The following AP3S2 variants were observed in gnomAD, a reference collection of about 807,000 sequenced individuals.
AP3S2 encodes the protein AP-3 complex subunit sigma-2.
In AP3S2, 22 loss-of-function variants were observed where a neutral mutation model predicts 23.4. That is an observed-to-expected ratio of 0.94 (90% CI 0.67 to 1.34). AP3S2 has a LOEUF of 1.34. Ranked by LOEUF, AP3S2 falls within the 40% of genes most tolerant of loss-of-function variation. The probability of loss-of-function intolerance (pLI) is 0.00; values close to 1 mark genes in which losing one functional copy is unlikely to be tolerated. For synonymous variants in AP3S2, 86 were observed against 87.1 expected (o/e 0.99, Z 0.07); for missense variants, 241 against 236.9 (o/e 1.02, Z -0.11).
intron 4 of AP3S2, among the ~76,000 whole-genome samples, chr15:89,847,732 GT>G (rs2141846434): frequency 6.6e-6 from 1 of 152,262 alleles, no homozygotes; most frequent in South Asian, 2.1e-4. Flanking sequence ...TTTTACTCTA[GT>G]AAAAACACAG....
chr15:89,835,473 T>C lies in AP3S2; in HGVS notation c.*42A>G, dbSNP rs1480027262. On this transcript the variant is annotated 3_prime_UTR_variant, in exon 6 of 6. Transcript: ENST00000336418. ...CCAGACGTGCTTGCCTTGCTTGTCT[T>C]TGCTTGTCTTAAGGACTCTATTTCA... 2 of 1,609,406 alleles carry C rather than the reference T, an allele frequency of 1.2e-6. No homozygotes were observed. The highest frequency in any genetic ancestry group is 1.7e-6 in the Non-Finnish European group (2 of 1,177,252).
chr15:89,845,611 G>A (rs12591948), intron 4 of AP3S2: 56,469 of 152,070 alleles, frequency 0.37, 12,330 homozygotes, highest in Non-Finnish European at 0.5. Flanking sequence ...GTTGGCTGAT[G>A]CGCTGACCTT....
At chr15:89,859,002 T>G (rs1388920360) in intron 4 of AP3S2, among the ~76,000 whole-genome samples, 1 of 151,876 alleles carries the variant, frequency 6.6e-6, no homozygotes, top group Non-Finnish European at 1.5e-5. Flanking sequence ...GAACAATCCT[T>G]GCTTTTGTTT....
At chr15:89,892,186 G>A (rs1247515488) in intron 1 of AP3S2, among the ~76,000 whole-genome samples, 2 of 152,162 alleles carry the variant, frequency 1.3e-5, no homozygotes, top group Non-Finnish European at 2.9e-5. Context: ...AATTCCATTT[G>A]CCATTCTGGA....
rs770651629 is a variant in AP3S2 at position 89,835,613 on chromosome 15, C to A, written c.484G>T (p.Val162Leu). Residue 162 changes from valine to leucine, a missense_variant, in exon 6 of 6, where the codon GTG becomes TTG. By Grantham distance (32) the Val-to-Leu change is conservative. Transcript: ENST00000336418. ...AGGTTGATGTTTTTCACAGCAGACA[C>A]AGCCCGCGCAGGGGCTGCTGAAAGG... ...GGLSAAPARA[V>L]SAVKNINLPE... is the part of the protein sequence containing the mutation. 1.2e-6 allele frequency: 2 copies of A among 1,610,340 alleles called. No homozygotes were observed. Among genetic ancestry groups the A allele is most frequent in the Admixed American group, 3.4e-5 (2 of 59,386 alleles).
Position 89,871,504 on chromosome 15 carries a change from C to T in AP3S2, c.316G>A (p.Glu106Lys). 3 of 1,613,704 alleles carry T rather than the reference C, an allele frequency of 1.9e-6. No homozygotes were observed. Among genetic ancestry groups the T allele is most frequent in the Non-Finnish European group, 2.5e-6 (3 of 1,179,908 alleles). ...TLDKCFENVCELDLIFHMDKV... is the reference protein window; with the variant it reads ...TLDKCFENVCKLDLIFHMDKV... ...TCCATATGGAAGATCAAATCCAATTCACACACATTTTCGAAACACTTATCC... is the reference window on the plus strand; with the variant it reads ...TCCATATGGAAGATCAAATCCAATTTACACACATTTTCGAAACACTTATCC... Residue 106 changes from glutamate (E) to lysine (K), a missense_variant, in exon 4 of 6, where the codon GAA (glutamate) becomes AAA (lysine). Transcript: ENST00000336418.
rs1895093944 is a variant in AP3S2 at position 89,832,264 on chromosome 15, G to C, written c.*3251C>G. On this transcript the variant is annotated 3_prime_UTR_variant, in exon 6 of 6. Coordinates refer to ENST00000336418, the MANE Select transcript of AP3S2 (RefSeq NM_005829.5). ...GTTAGAGACCAGCCTGTGCAACATA[G>C]TGAGACCTTATTCTACTAAAAAAAT... The C allele has an allele frequency of 6.6e-6, 1 of 152,256 alleles. No homozygotes were observed. Among genetic ancestry groups the C allele is most frequent in the Non-Finnish European group, 1.5e-5 (1 of 68,032 alleles). The allele number at this position is 152,256 out of a possible 1,614,324, so 9.4% of individuals were successfully genotyped here.
Position 89,834,330 on chromosome 15 carries a change from A to G in AP3S2, c.*1185T>C, listed in dbSNP as rs1031869695. ...TGCTCTCATGAGGAGAATGTATTTTAAACTTGGGAAGAGTCATAATTCTGG... is the reference window on the plus strand; with the variant it reads ...TGCTCTCATGAGGAGAATGTATTTTGAACTTGGGAAGAGTCATAATTCTGG... On this transcript the variant is annotated 3_prime_UTR_variant, in exon 6 of 6. Coordinates refer to ENST00000336418, the MANE Select transcript of AP3S2 (RefSeq NM_005829.5). The G allele has an allele frequency of 6.6e-6, 1 of 152,258 alleles. No homozygotes were observed. The highest frequency in any genetic ancestry group is 2.4e-5 in the African/African-American group (1 of 41,462). 9.4% of individuals were successfully genotyped at this position (152,258 alleles called of 1,614,324 possible).
intron 4 of AP3S2, among the ~76,000 whole-genome samples, chr15:89,854,485 T>C (rs1596197099): frequency 7.4e-5 from 3 of 40,542 alleles, no homozygotes; most frequent in Admixed American, 2.4e-4. Context: ...GAGGAGCCCC[T>C]CTGCCCGGCC....
chr15:89,847,580 G>T lies in AP3S2; in HGVS notation c.346-9858C>A, dbSNP rs116745754. On this transcript the variant is annotated intron_variant, in intron 4 of 5. Coordinates refer to ENST00000336418, the MANE Select transcript of AP3S2 (RefSeq NM_005829.5). ...GACAGAGGATTCCATGCTCTTCAAG[G>T]GTTCCATCCCTGGTTGTTTCTCACT... Among the ~76,000 whole-genome samples the T allele has an allele frequency of 4.3e-3, 651 of 152,058 alleles. 5 individuals are homozygous for T. The highest frequency in any genetic ancestry group is 0.015 in the African/African-American group (631 of 41,466).
intron 4 of AP3S2, among the ~76,000 whole-genome samples, chr15:89,840,275 T>C (rs1012234878): frequency 1.3e-5 from 2 of 152,210 alleles, no homozygotes; most frequent in Admixed American, 6.5e-5. Context: ...ATACCTGCAC[T>C]TTCAGTATTT....
At chr15:89,859,685 G>A (rs567789581) in intron 4 of AP3S2, among the ~76,000 whole-genome samples, 47 of 150,322 alleles carry the variant, frequency 3.1e-4, no homozygotes, top group African/African-American at 1.1e-3. Context: ...TCGAGCCACC[G>A]CGCCCAGCCC....
intron 3 of AP3S2, among the ~76,000 whole-genome samples, chr15:89,882,313 C>T (rs1338560956): frequency 6.6e-6 from 1 of 151,798 alleles, no homozygotes; most frequent in African/African-American, 2.4e-5. Flanking sequence ...TGCTCTGCTA[C>T]CTGAATCAGC....
At chr15:89,846,440 C>T (rs1368804786) in intron 4 of AP3S2, among the ~76,000 whole-genome samples, 1 of 152,100 alleles carries the variant, frequency 6.6e-6, no homozygotes, top group African/African-American at 2.4e-5. Context: ...TCATTGCAAC[C>T]TCCACCTCCC....
At chr15:89,848,368 T>C (rs1308675340) in intron 4 of AP3S2, among the ~76,000 whole-genome samples, 3 of 152,264 alleles carry the variant, frequency 2.0e-5, no homozygotes, top group African/African-American at 7.2e-5. Flanking sequence ...GATAGCTTTT[T>C]CTTTTTATTT....
chr15:89,891,339 C>T (rs978666295), intron 1 of AP3S2, among the ~76,000 whole-genome samples: 3 of 152,212 alleles, frequency 2.0e-5, no homozygotes, highest in Admixed American at 2.0e-4. Flanking sequence ...TGCTCAACAT[C>T]ATTAGTCATT....
In AP3S2 at chr15:89,834,468, A is replaced by T. The variant is rs1372524720; in HGVS notation, c.*1047T>A. 1.3e-5 allele frequency: 2 copies of T among 152,250 alleles called. No homozygotes were observed. Among genetic ancestry groups the T allele is most frequent in the Non-Finnish European group, 2.9e-5 (2 of 68,104 alleles). 9.4% of individuals were successfully genotyped at this position (152,250 alleles called of 1,614,324 possible). A position where few individuals can be genotyped will look rare whatever the true frequency, so the allele number is the denominator to read the frequency against. The stretch of plus-strand genomic sequence containing the variant: ...GGTGGGTCCCTCTCCCTATTAGCAG[A>T]AATGTGTTGGGCATGAGCCAGGTTT... On this transcript the variant is annotated 3_prime_UTR_variant, in exon 6 of 6. Coordinates refer to ENST00000336418, the MANE Select transcript of AP3S2 (RefSeq NM_005829.5).
intron 3 of AP3S2, among the ~76,000 whole-genome samples, chr15:89,872,420 A>G (rs1468115244): frequency 1.3e-5 from 2 of 152,210 alleles, no homozygotes; most frequent in African/African-American, 4.8e-5. Flanking sequence ...GAACCTTTTA[A>G]CTTTTAATAA....
chr15:89,885,378 T>C (rs1320307535), intron 3 of AP3S2, among the ~76,000 whole-genome samples: 1 of 152,090 alleles, frequency 6.6e-6, no homozygotes, highest in Non-Finnish European at 1.5e-5. Context: ...AATTTTTCTA[T>C]TTTTAGTAGA....
Sources: gnomAD v4.1 joint callset for allele counts (sites outside exome capture counted in the v4.1 genomes callset) on GRCh38, gnomAD v4.1.1 for gene constraint, MANE v1.5 for transcripts, NCBI Gene and HGNC (gene_info 2026-07-23, HGNC 2026-07-21) for gene names.